The following MYT1 variants were observed in gnomAD, a reference collection of about 807,000 sequenced individuals.
The protein encoded by MYT1 is myelin transcription factor I.
In MYT1, 23 loss-of-function variants were observed where a neutral mutation model predicts 123.0. The ratio of observed to expected loss-of-function variants is 0.19; its 90% CI spans 0.13 to 0.26. The LOEUF (loss-of-function observed/expected upper bound fraction) is 0.26, where lower values mean the gene tolerates loss of function less well. MYT1 is among the 10% of genes least tolerant of loss of function. The probability of loss-of-function intolerance (pLI) is 1.00; values close to 1 mark genes in which losing one functional copy is unlikely to be tolerated. For missense variants in MYT1, 1,125 were observed against 1,472.5 expected (o/e 0.76, Z 3.86); for synonymous variants, 518 against 575.3 (o/e 0.90, Z 1.43).
At chr20:64,239,926 G>A (rs372376004) in intron 22 of MYT1, 23 bp downstream of exon 22, 148 of 1,608,148 alleles carry the variant, frequency 9.2e-5, no homozygotes, top group South Asian at 1.6e-4. Flanking sequence ...CGGGCCTGCC[G>A]GCACCACAGC....
rs1407777036 is a variant in MYT1, at chr20:64,185,856, G to C, written c.-98-4207G>C. ...GGCTCTCCTTGCCATGACGACAGAAGGAAACCTTGGGGTAGGCCAGCAGCA... is the reference window on the plus strand; with the variant it reads ...GGCTCTCCTTGCCATGACGACAGAACGAAACCTTGGGGTAGGCCAGCAGCA... On this transcript the variant is annotated intron_variant, in intron 1 of 22. Transcript: ENST00000328439. The surrounding 1 kb of genome is among the most constrained non-coding windows in gnomAD (Gnocchi z 4.5). Among the ~76,000 whole-genome samples, 1 of 152,216 alleles carries C rather than the reference G, an allele frequency of 6.6e-6. No individual in the cohort carries two copies. Among genetic ancestry groups the C allele is most frequent in the East Asian group, 1.9e-4 (1 of 5,196 alleles).
rs115620213 is a variant in MYT1, at chr20:64,201,554, C to A, written c.86+1632C>A. Among the ~76,000 whole-genome samples the A allele has an allele frequency of 3.1e-3, 469 of 152,362 alleles. 1 individual carries two copies. The highest frequency in any genetic ancestry group is 0.011 in the African/African-American group (449 of 41,588). ...TTCTGCACGGAAGGTACCATTCATT[C>A]CTGTATTCTCAAACATCTGTTGGCC... On this transcript the variant is annotated intron_variant, in intron 4 of 22. Transcript: ENST00000328439.
chr20:64,195,195 C>T (rs1214432018), intron 2 of MYT1, among the ~76,000 whole-genome samples: 1 of 151,918 alleles, frequency 6.6e-6, no homozygotes. Flanking sequence ...GCTGCAGCCT[C>T]AGCGCAGATC....
At chr20:64,171,591 A>G (rs971982860) in intron 1 of MYT1, among the ~76,000 whole-genome samples, 3 of 146,302 alleles carry the variant, frequency 2.1e-5, no homozygotes, top group South Asian at 4.1e-4. Context: ...ATCCTCTGGC[A>G]TCTGGAGGAA....
rs902956625 is a variant in MYT1, at chr20:64,212,810, C to T, written c.1517+672C>T. Among the ~76,000 whole-genome samples, 2 of 152,016 alleles carry T rather than the reference C, an allele frequency of 1.3e-5. No homozygotes were observed. The highest frequency in any genetic ancestry group is 4.8e-5 in the African/African-American group (2 of 41,394). ...CTTCTATGGTGAGGGGGGACTACTC[C>T]TCCAGCCTTACCCTAAGTGCCATGG... On this transcript the variant is annotated intron_variant, in intron 9 of 22. Coordinates refer to ENST00000328439, the MANE Select transcript of MYT1 (RefSeq NM_004535.3). The surrounding 1 kb of genome is among the most constrained non-coding windows in gnomAD (Gnocchi z 6.8).
chr20:64,199,831 G>C, intron 3 of MYT1, 61 bp from the exon 4 acceptor site: 1 of 1,568,132 alleles, frequency 6.4e-7, no homozygotes, highest in Non-Finnish European at 8.8e-7. Context: ...ATGCTGTTAG[G>C]GCAATGAGCC....
intron 19 of MYT1, among the ~76,000 whole-genome samples, chr20:64,233,814 C>T (rs943791505): frequency 2.0e-5 from 3 of 152,124 alleles, no homozygotes; most frequent in Admixed American, 6.5e-5. Flanking sequence ...AGCGAAGTGG[C>T]TGGAGCTGGG....
At chr20:64,223,269 T>C (rs1286406426) in intron 15 of MYT1, 22 bp from the exon 16 acceptor site, 1 of 1,614,136 alleles carries the variant, frequency 6.2e-7, no homozygotes, top group East Asian at 2.2e-5. Context: ...CTTACCCCAA[T>C]ATCCCATCTC....
At chr20:64,230,421 G>A (rs961800068) in intron 18 of MYT1, among the ~76,000 whole-genome samples, 1 of 152,274 alleles carries the variant, frequency 6.6e-6, no homozygotes, top group East Asian at 1.9e-4. Context: ...GCTGAGGCAG[G>A]AGAATCGCTT....
chr20:64,218,770 G>T lies in MYT1; in HGVS notation c.1847-141G>T. The T allele has an allele frequency of 5.7e-5, 54 of 951,254 alleles. No individual in the cohort carries two copies. The highest frequency in any genetic ancestry group is 1.1e-4 in the East Asian group (4 of 35,458). 58.9% of individuals were successfully genotyped at this position (951,254 alleles called of 1,614,324 possible). ...CAAAGTGCCCCCTCCCCACTGACTT[G>T]TCTGCATTGCTGCCTCTTTTCAAGT... On this transcript the variant is annotated intron_variant, in intron 11 of 22. Transcript: ENST00000328439. The surrounding 1 kb of genome is among the most constrained non-coding windows in gnomAD (Gnocchi z 4.0).
rs1360063787 is a variant in MYT1, at chr20:64,213,657, A to G, written c.1631+10A>G. On this transcript the variant is annotated intron_variant, in intron 10 of 22. Transcript: ENST00000328439. This position sits in a 1 kb window ranked among gnomAD's most constrained non-coding sequence, Gnocchi z 5.6. ...CCGATCGGATCCTCAGGTGAGTGAG[A>G]TGAGCCACAGAACTGAAGAGGCTGC... 2 of 1,610,772 alleles carry G rather than the reference A, an allele frequency of 1.2e-6. No individual in the cohort carries two copies. Among genetic ancestry groups the G allele is most frequent in the Non-Finnish European group, 8.5e-7 (1 of 1,177,270 alleles).
intron 1 of MYT1, among the ~76,000 whole-genome samples, chr20:64,165,930 C>A (rs1982066288): frequency 6.6e-6 from 1 of 151,922 alleles, no homozygotes; most frequent in African/African-American, 2.4e-5. Flanking sequence ...CCTGGGGGGG[C>A]CCACTCGGTG....
At position 64,213,348 on chromosome 20, in the gene MYT1, G is replaced by C. The variant is rs530809376; in HGVS notation, c.1518-186G>C. ...CTTGTACTGTGAGGGCTCAAGAACA[G>C]AGCCAGAGAGAAAACCCCTGTCCTG... On this transcript the variant is annotated intron_variant, in intron 9 of 22. Transcript: ENST00000328439. The surrounding 1 kb of genome is among the most constrained non-coding windows in gnomAD (Gnocchi z 5.6). 6.6e-6 allele frequency among the ~76,000 whole-genome samples: 1 copy of C among 152,186 alleles called. No homozygotes were observed. Among genetic ancestry groups the C allele is most frequent in the Non-Finnish European group, 1.5e-5 (1 of 68,030 alleles).
Position 64,212,169 on chromosome 20 carries a change from GCCA to G in MYT1, c.1517+32_1517+34del. ...TGGACTGAGCTGGGCCGTAGTGGGG[GCCA>G]GGGTGGGGGCCGTGGTGGGGGCCAG... is the stretch of plus-strand genomic sequence containing the variant. On this transcript the variant is annotated intron_variant, in intron 9 of 22. Coordinates refer to ENST00000328439, the MANE Select transcript of MYT1 (RefSeq NM_004535.3). The surrounding 1 kb of genome is among the most constrained non-coding windows in gnomAD (Gnocchi z 6.8). 7.7e-7 allele frequency: 1 copy of G among 1,291,514 alleles called. No homozygotes were observed. Among genetic ancestry groups the G allele is most frequent in the Non-Finnish European group, 1.0e-6 (1 of 967,076 alleles). 80.0% of individuals were successfully genotyped at this position (1,291,514 alleles called of 1,614,324 possible). A position where few individuals can be genotyped will look rare whatever the true frequency, so the allele number is the denominator to read the frequency against.
intron 22 of MYT1, 84 bp downstream of exon 22, chr20:64,239,987 C>A (rs1307808572): frequency 1.3e-5 from 20 of 1,552,388 alleles, no homozygotes; most frequent in Non-Finnish European, 1.7e-5. Context: ...TCTCCCACCC[C>A]CTCTGCCTCT....
In MYT1 at chr20:64,203,385, T is replaced by C. The variant is rs1449837137; in HGVS notation, c.87-1650T>C. Among the ~76,000 whole-genome samples, 4 of 152,168 alleles carry C rather than the reference T, an allele frequency of 2.6e-5. No individual in the cohort carries two copies. The highest frequency in any genetic ancestry group is 4.4e-5 in the Non-Finnish European group (3 of 68,012). On this transcript the variant is annotated intron_variant, in intron 4 of 22. Coordinates refer to ENST00000328439, the MANE Select transcript of MYT1 (RefSeq NM_004535.3). The surrounding 1 kb of genome is among the most constrained non-coding windows in gnomAD (Gnocchi z 5.1). ...TAGTTCTCCAAAGAGTGAAAGCAAG[T>C]GTGGGCCTGGATTTTAGAAGAGACT...
At chr20:64,237,474 C>T in intron 21 of MYT1, 84 bp downstream of exon 21, 1 of 1,085,696 alleles carries the variant, frequency 9.2e-7, no homozygotes, top group Non-Finnish European at 1.3e-6. Flanking sequence ...CATCCGTCGG[C>T]ACTCATCAAG....
intron 1 of MYT1, among the ~76,000 whole-genome samples, chr20:64,183,853 C>T (rs921175987): frequency 3.9e-5 from 6 of 152,148 alleles, no homozygotes; most frequent in African/African-American, 1.2e-4. Flanking sequence ...CAGAGTCTTG[C>T]TCTGTCACGC....
intron 4 of MYT1, among the ~76,000 whole-genome samples, chr20:64,200,752 C>G (rs532522401): frequency 6.6e-6 from 1 of 152,276 alleles, no homozygotes; most frequent in East Asian, 1.9e-4. Flanking sequence ...AGGGGTTAAC[C>G]TTCATCTAAC....
Sources: allele counts gnomAD v4.1 joint callset (sites outside exome capture counted in the v4.1 genomes callset), GRCh38; gene constraint gnomAD v4.1.1; non-coding constraint Gnocchi (gnomAD v3.1); transcripts MANE v1.5; gene names NCBI Gene and HGNC (gene_info 2026-07-23, HGNC 2026-07-21).